CEP97: variants seen among roughly 807,000 people sequenced by gnomAD.
The protein encoded by CEP97 is centrosomal protein 97.
Under a neutral mutation model 73.1 loss-of-function variants are expected in CEP97, and 43 were observed. The observed-to-expected ratio is 0.59, with a 90% CI of 0.46 to 0.76. CEP97 has a LOEUF of 0.76. Ranked by LOEUF, CEP97 falls within the 30% of genes least tolerant of loss-of-function variation. The pLI, the probability that CEP97 is intolerant of heterozygous loss-of-function variation, is 0.00. For missense variants in CEP97, 939 were observed against 1,014.0 expected, an observed-to-expected ratio of 0.93 and a Z score of 1.00; for synonymous variants, 337 against 370.0, an observed-to-expected ratio of 0.91 and a Z score of 1.02.
Position 101,758,441 on chromosome 3 carries a change from T to C in CEP97, c.1817+18T>C, listed in dbSNP as rs754424418. The C allele has an allele frequency of 8.1e-6, 13 of 1,612,658 alleles. No homozygotes were observed. In the African/African-American group the frequency reaches 1.2e-4, roughly 15 times the overall value. On this transcript the variant is annotated intron_variant, in intron 9 of 10. Transcript: ENST00000341893. ...ATAAGGAGGTGGGTCAGAAGTCCTT[T>C]TGATGCACTGTTTTGTTGGTTTGAG...
In CEP97 at chr3:101,768,323, C is replaced by T. The variant is rs1939368337; in HGVS notation, c.*2772C>T. 4.6e-5 allele frequency: 7 copies of T among 152,138 alleles called. No homozygotes were observed. The highest frequency in any genetic ancestry group is 4.6e-4 in the Admixed American group (7 of 15,274). 9.4% of individuals were successfully genotyped at this position (152,138 alleles called of 1,614,324 possible). A position where few individuals can be genotyped will look rare whatever the true frequency, so the allele number is the denominator to read the frequency against. ...CTGTAGTCCAAAATTTTATTATGTC[C>T]TCTTAATCTTTACATTTAGTGAGTC... On this transcript the variant is annotated 3_prime_UTR_variant, in exon 11 of 11. Coordinates refer to ENST00000341893, the MANE Select transcript of CEP97 (RefSeq NM_024548.4).
In CEP97 at chr3:101,757,163, C is replaced by T; in HGVS notation, c.994C>T (p.Pro332Ser). Reference protein sequence around the residue: ...RASLIPEHSSPVQDCQISQES... With the variant: ...RASLIPEHSSSVQDCQISQES... ...ATCCCTTATTCCTGAGCATTCAAGCCCTGTTCAAGATTGCCAGATATCCCA... is the reference window on the plus strand; with the variant it reads ...ATCCCTTATTCCTGAGCATTCAAGCTCTGTTCAAGATTGCCAGATATCCCA... The change falls in exon 8 of 11, where the codon CCT becomes TCT. Residue 332 changes from proline to serine, a missense_variant. Coordinates refer to ENST00000341893, the MANE Select transcript of CEP97 (RefSeq NM_024548.4). The T allele has an allele frequency of 6.2e-7, 1 of 1,611,404 alleles. No homozygotes were observed. Among genetic ancestry groups the T allele is most frequent in the Non-Finnish European group, 8.5e-7 (1 of 1,179,208 alleles).
chr3:101,758,355 T>G lies in CEP97; in HGVS notation c.1749T>G (p.Asp583Glu), dbSNP rs749751736. Residue 583 changes from aspartate (D) to glutamate (E), a missense_variant, in exon 9 of 11, where the codon GAT (aspartate) becomes GAG (glutamate). Transcript: ENST00000341893. ...YARNYNPQAKDVRYEIRLRRM... is the reference protein window; with the variant it reads ...YARNYNPQAKEVRYEIRLRRM... Reference sequence around the variant, plus strand: ...GGAACTACAACCCTCAAGCCAAAGATGTGCGTTACGAAATCCGGCTACGCA... The same window carrying G: ...GGAACTACAACCCTCAAGCCAAAGAGGTGCGTTACGAAATCCGGCTACGCA... 6.2e-7 allele frequency: 1 copy of G among 1,614,186 alleles called. No individual in the cohort carries two copies. The highest frequency in any genetic ancestry group is 1.1e-5 in the South Asian group (1 of 91,088).
Position 101,764,854 on chromosome 3 carries a change from C to A in CEP97, c.1901C>A (p.Ser634Tyr). 1 of 1,602,972 alleles carries A rather than the reference C, an allele frequency of 6.2e-7. No homozygotes were observed. The highest frequency in any genetic ancestry group is 1.1e-5 in the South Asian group (1 of 89,040). The change falls in exon 11 of 11, where the codon TCT becomes TAT. Residue 634 changes from serine to tyrosine, a missense_variant. Transcript: ENST00000341893. Reference protein sequence around the residue: ...AFRFLWNQVRSLQVWQQTVDQ... With the variant: ...AFRFLWNQVRYLQVWQQTVDQ... Reference sequence around the variant, plus strand: ...GTATTCTCTGGTTTATAGGTAAGGTCTCTACAGGTTTGGCAACAGACAGTG... The same window carrying A: ...GTATTCTCTGGTTTATAGGTAAGGTATCTACAGGTTTGGCAACAGACAGTG...
chr3:101,738,514 A>G (rs1938352458), intron 6 of CEP97, among the ~76,000 whole-genome samples: 1 of 152,234 alleles, frequency 6.6e-6, no homozygotes, highest in African/African-American at 2.4e-5. Context: ...GTGCAATCAA[A>G]TTAGAACTCA....
At chr3:101,744,233 AG>A (rs1433791080) in intron 6 of CEP97, among the ~76,000 whole-genome samples, 3 of 152,068 alleles carry the variant, frequency 2.0e-5, no homozygotes, top group Non-Finnish European at 4.4e-5. Flanking sequence ...TTTTCACAGC[AG>A]CCCTATTCAT....
intron 10 of CEP97, among the ~76,000 whole-genome samples, chr3:101,763,400 TA>T (rs372373841): frequency 2.9e-4 from 41 of 143,718 alleles, no homozygotes; most frequent in East Asian, 8.0e-4. Flanking sequence ...TACTGTTTAG[TA>T]AAAAAAAAAA....
chr3:101,763,981 C>T (rs1334556979), intron 10 of CEP97, among the ~76,000 whole-genome samples: 1 of 152,162 alleles, frequency 6.6e-6, no homozygotes, highest in African/African-American at 2.4e-5. Context: ...CTTGTAGAAG[C>T]AAGAGAATTG....
chr3:101,727,507 T>C lies in CEP97; in HGVS notation c.311T>C (p.Leu104Pro). The C allele has an allele frequency of 6.2e-7, 1 of 1,612,024 alleles. No homozygotes were observed. Among genetic ancestry groups the C allele is most frequent in the South Asian group, 1.1e-5 (1 of 90,432 alleles). ...CVEGLKELVH[L>P]EWLNLAGNNL... ...GAAGGGCTAAAGGAACTAGTACATC[T>C]GGAATGGCTGAATTTGGCAGGAAAT... is the stretch of plus-strand genomic sequence containing the variant. Residue 104 changes from leucine (L) to proline (P), a missense_variant, in exon 3 of 11, where the codon CTG (leucine) becomes CCG (proline). Physicochemically the swap from Leu to Pro is moderately conservative, Grantham distance 98. Coordinates refer to ENST00000341893, the MANE Select transcript of CEP97 (RefSeq NM_024548.4).
Position 101,746,073 on chromosome 3 carries a change from A to G in CEP97, c.729-9357A>G, listed in dbSNP as rs1036714090. On this transcript the variant is annotated intron_variant, in intron 6 of 10. Transcript: ENST00000341893. ...TTCCAATTTCATCCATGTCCCTACA[A>G]AGGACATGAACTCATTATTTTTTAT... Among the ~76,000 whole-genome samples, 14 of 152,312 alleles carry G rather than the reference A, an allele frequency of 9.2e-5. 1 individual carries two copies. The highest frequency in any genetic ancestry group is 3.4e-4 in the African/African-American group (14 of 41,570).
chr3:101,738,303 A>C (rs894781536), intron 6 of CEP97, among the ~76,000 whole-genome samples: 3 of 152,180 alleles, frequency 2.0e-5, no homozygotes, highest in Non-Finnish European at 4.4e-5. Flanking sequence ...GAAAATTAAC[A>C]AGGGTATTTA....
At position 101,767,399 on chromosome 3, in the gene CEP97, T is replaced by C. The variant is rs750443336; in HGVS notation, c.*1848T>C. ...TGAATGTCTTCTTAAATATACCCTA[T>C]TTTTCTATTTTAAAGTTAAGTGCCT... On this transcript the variant is annotated 3_prime_UTR_variant, in exon 11 of 11. Transcript: ENST00000341893. 10 of 152,310 alleles carry C rather than the reference T, an allele frequency of 6.6e-5. No homozygotes were observed. Among genetic ancestry groups the C allele is most frequent in the Admixed American group, 3.3e-4 (5 of 15,296 alleles). The allele number at this position is 152,310 out of a possible 1,614,324, so 9.4% of individuals were successfully genotyped here. A position where few individuals can be genotyped will look rare whatever the true frequency, so the allele number is the denominator to read the frequency against.
chr3:101,755,775 A>G (rs768052212), intron 7 of CEP97, among the ~76,000 whole-genome samples, 181 bp downstream of exon 7: 94 of 152,158 alleles, frequency 6.2e-4, no homozygotes, highest in Non-Finnish European at 1.3e-3. Context: ...CAGCCAAACA[A>G]TATGGTATGG....
At chr3:101,744,627 C>T (rs904870985) in intron 6 of CEP97, among the ~76,000 whole-genome samples, 1 of 144,024 alleles carries the variant, frequency 6.9e-6, no homozygotes, top group Non-Finnish European at 1.5e-5. Context: ...AAACTAGGAA[C>T]TTAGATGGTT....
At position 101,768,032 on chromosome 3, in the gene CEP97, T is replaced by G. The variant is rs1939360294; in HGVS notation, c.*2481T>G. 1 of 152,216 alleles carries G rather than the reference T, an allele frequency of 6.6e-6. No individual in the cohort carries two copies. Among genetic ancestry groups the G allele is most frequent in the Non-Finnish European group, 1.5e-5 (1 of 68,022 alleles). The allele number at this position is 152,216 out of a possible 1,614,324, so 9.4% of individuals were successfully genotyped here. A position where few individuals can be genotyped will look rare whatever the true frequency, so the allele number is the denominator to read the frequency against. ...GAAAGTTAAGCTTTGAACATGGTCT[T>G]TGTGTTTTTTTCCTAACAAGGAAAG... On this transcript the variant is annotated 3_prime_UTR_variant, in exon 11 of 11. Coordinates refer to ENST00000341893, the MANE Select transcript of CEP97 (RefSeq NM_024548.4).
Position 101,765,057 on chromosome 3 carries a change from G to T in CEP97, c.2104G>T (p.Gly702Cys). 1 of 1,614,060 alleles carries T rather than the reference G, an allele frequency of 6.2e-7. No homozygotes were observed. The highest frequency in any genetic ancestry group is 1.7e-4 in the Middle Eastern group (1 of 6,056). Residue 702 changes from glycine to cysteine, a missense_variant, in exon 11 of 11, where the codon GGT (glycine) becomes TGT (cysteine). Transcript: ENST00000341893. ...ATCATTACCAGAATTTCCAGACTCT[G>T]GTTTTCATTCCTCTCTAACAGAACA... Reference protein sequence around the residue: ...EKSLPEFPDSGFHSSLTEQVH... With the variant: ...EKSLPEFPDSCFHSSLTEQVH...
chr3:101,745,739 A>T (rs1049567484), intron 6 of CEP97, among the ~76,000 whole-genome samples: 28 of 150,528 alleles, frequency 1.9e-4, no homozygotes, highest in African/African-American at 6.8e-4. Context: ...TTTGAATTTT[A>T]TTTATTTATT....
At chr3:101,727,601 A>G (rs1438934922) in intron 3 of CEP97, 60 bp downstream of exon 3, 1 of 1,482,842 alleles carries the variant, frequency 6.7e-7, no homozygotes, top group East Asian at 2.3e-5. Flanking sequence ...CAAGCAATGT[A>G]GAAATAAGTC....
chr3:101,744,338 C>A (rs1221302018), intron 6 of CEP97, among the ~76,000 whole-genome samples: 2 of 151,870 alleles, frequency 1.3e-5, no homozygotes, highest in African/African-American at 4.8e-5. Flanking sequence ...AATCCTAGCA[C>A]TTTGGGAGGC....
Sources: allele counts gnomAD v4.1 joint callset (sites outside exome capture counted in the v4.1 genomes callset), GRCh38; gene constraint gnomAD v4.1.1; transcripts MANE v1.5; gene names NCBI Gene and HGNC (gene_info 2026-07-23, HGNC 2026-07-21).